Variants in AGBL1 observed in about 807,000 individuals in gnomAD.
The protein encoded by AGBL1 is cytosolic carboxypeptidase 4.
A neutral mutation model predicts 118.9 loss-of-function variants in AGBL1; 130 were observed. The ratio of observed to expected loss-of-function variants is 1.09; its 90% CI spans 0.95 to 1.26. AGBL1 has a LOEUF of 1.26. Among genes scored for constraint, AGBL1 ranks in the 50% most tolerant of loss-of-function variants. AGBL1 has a pLI of 0.00. For missense variants in AGBL1, 1,584 were observed against 1,298.1 expected (o/e 1.22, Z -3.38); for synonymous variants, 555 against 478.9 (o/e 1.16, Z -2.08).
At chr15:86,205,784 T>C (rs1444693477) in intron 5 of AGBL1, among the ~76,000 whole-genome samples, 1 of 152,208 alleles carries the variant, frequency 6.6e-6, no homozygotes, top group Non-Finnish European at 1.5e-5. Context: ...TTTAGCTTAT[T>C]TTAAAAATCA....
chr15:86,496,646 A>G lies in AGBL1; in HGVS notation c.2556-26164A>G, dbSNP rs2082858807. Among the ~76,000 whole-genome samples the G allele has an allele frequency of 3.3e-5, 5 of 151,948 alleles. No homozygotes were observed. In the South Asian group the frequency reaches 1.0e-3, roughly 31 times the overall value. On this transcript the variant is annotated intron_variant, in intron 18 of 22. Transcript: ENST00000614907. ...CCTTCCTTGGATTATACACTTTTTAACAATGTATTTTTTTTCCCTTTTGCC... is the reference window on the plus strand; with the variant it reads ...CCTTCCTTGGATTATACACTTTTTAGCAATGTATTTTTTTTCCCTTTTGCC...
At chr15:86,759,434 T>C (rs1180193206) in intron 22 of AGBL1, among the ~76,000 whole-genome samples, 1 of 152,104 alleles carries the variant, frequency 6.6e-6, no homozygotes, top group Non-Finnish European at 1.5e-5. Context: ...TGAAAAGGCT[T>C]AAACAAGGTA....
At chr15:86,601,041 A>G (rs2084485195) in intron 21 of AGBL1, among the ~76,000 whole-genome samples, 1 of 152,146 alleles carries the variant, frequency 6.6e-6, no homozygotes, top group African/African-American at 2.4e-5. Context: ...TGGATATTAA[A>G]ATACCCTAGG....
At chr15:86,431,034 C>T (rs965699015) in intron 18 of AGBL1, among the ~76,000 whole-genome samples, 2 of 152,138 alleles carry the variant, frequency 1.3e-5, no homozygotes, top group African/African-American at 2.4e-5. Flanking sequence ...TACCAAGTGG[C>T]GGAGCTGGGA....
At chr15:86,776,750 ATGTGTGTGTGTGTGTGTG>A (rs10570012) in intron 22 of AGBL1, among the ~76,000 whole-genome samples, 57 of 139,732 alleles carry the variant, frequency 4.1e-4, no homozygotes, top group African/African-American at 1.4e-3. Flanking sequence ...ATATATATAT[ATGTGTGTGTGTGTGTGTG>A]TGTGTGTGTG....
intron 18 of AGBL1, among the ~76,000 whole-genome samples, chr15:86,430,519 T>C (rs2142037935): frequency 6.7e-6 from 1 of 150,076 alleles, no homozygotes; most frequent in South Asian, 2.1e-4. Flanking sequence ...TGTGTGTGTG[T>C]GTAACTTTTG....
chr15:86,870,462 A>C (rs1176553518), intron 22 of AGBL1, among the ~76,000 whole-genome samples: 10 of 26,824 alleles, frequency 3.7e-4, no homozygotes, highest in African/African-American at 1.2e-3. Flanking sequence ...TGCAAAAAAA[A>C]AAAAAAAAAA....
chr15:86,347,169 C>G (rs2080550860), intron 17 of AGBL1, among the ~76,000 whole-genome samples: 1 of 152,188 alleles, frequency 6.6e-6, no homozygotes, highest in Non-Finnish European at 1.5e-5. Flanking sequence ...TTTTGTAACT[C>G]TTTTAGCTAG....
At chr15:87,015,877 T>G (rs1367108632) in intron 24 of AGBL1, among the ~76,000 whole-genome samples, 1 of 152,162 alleles carries the variant, frequency 6.6e-6, no homozygotes, top group Non-Finnish European at 1.5e-5. Context: ...CTTTAAGGTA[T>G]ACTACCTTAG....
chr15:86,918,175 T>C (rs181589264), downstream of AGBL1, among the ~76,000 whole-genome samples: 474 of 152,330 alleles, frequency 3.1e-3, 2 homozygotes, highest in African/African-American at 0.011. Flanking sequence ...ACCATAAACA[T>C]GAACCAGACC....
At chr15:86,956,363 A>G (rs1018714576) in intron 23 of AGBL1, among the ~76,000 whole-genome samples, 1 of 152,196 alleles carries the variant, frequency 6.6e-6, no homozygotes, top group African/African-American at 2.4e-5. Flanking sequence ...AAAGAGAGTG[A>G]GAGAGGCAGA....
intron 5 of AGBL1, among the ~76,000 whole-genome samples, chr15:86,205,403 C>T (rs951491239): frequency 6.6e-6 from 1 of 152,166 alleles, no homozygotes; most frequent in Non-Finnish European, 1.5e-5. Context: ...ATGAATAAAA[C>T]TGCTGTAAAC....
At chr15:86,111,362 T>C (rs774557501) in intron 1 of AGBL1, among the ~76,000 whole-genome samples, 28 of 152,216 alleles carry the variant, frequency 1.8e-4, no homozygotes, top group Non-Finnish European at 3.8e-4. Context: ...TATGTGTGTC[T>C]GTTACGTAGA....
chr15:86,490,117 G>T (rs192372063), intron 18 of AGBL1, among the ~76,000 whole-genome samples: 1 of 151,972 alleles, frequency 6.6e-6, no homozygotes, highest in Non-Finnish European at 1.5e-5. Flanking sequence ...CAGCTATGAC[G>T]TCCCGCTGAG....
chr15:86,979,489 C>CT (rs60598448), intron 23 of AGBL1, among the ~76,000 whole-genome samples: 11 of 150,852 alleles, frequency 7.3e-5, no homozygotes, highest in African/African-American at 1.7e-4. Context: ...TTTTTTCTTT[C>CT]TTTTTTTTGG....
intron 22 of AGBL1, among the ~76,000 whole-genome samples, chr15:86,834,158 G>A (rs1567198138): frequency 6.6e-6 from 1 of 152,110 alleles, no homozygotes; most frequent in Non-Finnish European, 1.5e-5. Context: ...ATTCAATGGG[G>A]CATCTGTTTG....
chr15:86,681,951 T>G (rs2085966071), intron 22 of AGBL1, among the ~76,000 whole-genome samples: 1 of 152,194 alleles, frequency 6.6e-6, no homozygotes, highest in Admixed American at 6.5e-5. Flanking sequence ...CCCATTACAG[T>G]AAAGCGAAGG....
intron 22 of AGBL1, among the ~76,000 whole-genome samples, chr15:86,847,097 C>T (rs2079330361): frequency 6.6e-6 from 1 of 152,116 alleles, no homozygotes; most frequent in Non-Finnish European, 1.5e-5. Flanking sequence ...TGTTCTTCCA[C>T]TCCAGAATTT....
chr15:86,241,261 G>A (rs2078637409), intron 6 of AGBL1, among the ~76,000 whole-genome samples: 1 of 152,138 alleles, frequency 6.6e-6, no homozygotes, highest in African/African-American at 2.4e-5. Context: ...CATTGGTGAA[G>A]GGTATGTGAA....
Sources: allele counts gnomAD v4.1 joint callset (sites outside exome capture counted in the v4.1 genomes callset), GRCh38; gene constraint gnomAD v4.1.1; transcripts MANE v1.5; gene names NCBI Gene and HGNC (gene_info 2026-07-23, HGNC 2026-07-21).